The following CD163L1 variants were observed in gnomAD, a reference collection of about 807,000 sequenced individuals.
CD163L1 encodes the protein scavenger receptor cysteine-rich type 1 protein M160.
CD163L1 carries 124 observed loss-of-function variants against 165.4 expected under a neutral mutation model. The observed-to-expected ratio is 0.75, with a 90% CI of 0.65 to 0.87. The LOEUF (loss-of-function observed/expected upper bound fraction) is 0.87, where lower values mean the gene tolerates loss of function less well. Among genes scored for constraint, CD163L1 ranks in the 40% least tolerant of loss-of-function variants. CD163L1 has a pLI of 0.00. For missense variants in CD163L1, 1,525 were observed against 1,799.9 expected (o/e 0.85, Z 2.76); for synonymous variants, 585 against 662.2 (o/e 0.88, Z 1.79).
intron 2 of CD163L1, among the ~76,000 whole-genome samples, chr12:7,440,655 C>G (rs1948819508): frequency 7.5e-6 from 1 of 134,134 alleles, no homozygotes; most frequent in South Asian, 2.3e-4. Flanking sequence ...GAGATGGAGT[C>G]TTGCTCTGTC....
chr12:7,436,939 A>G lies in CD163L1; in HGVS notation c.125-3245T>C, dbSNP rs186077579. On this transcript the variant is annotated intron_variant, in intron 2 of 19. Coordinates refer to ENST00000313599, the MANE Select transcript of CD163L1 (RefSeq NM_174941.6). Reference sequence around the variant, plus strand: ...AATGACAGAAAACTACACAGCCAATAAAACAAGGTATCATAAGTGATATGT... The same window carrying G: ...AATGACAGAAAACTACACAGCCAATGAAACAAGGTATCATAAGTGATATGT... 1.7e-3 allele frequency among the ~76,000 whole-genome samples: 254 copies of G among 151,536 alleles called. 2 individuals carry two copies. The highest frequency in any genetic ancestry group is 5.9e-3 in the African/African-American group (246 of 41,452).
At chr12:7,416,371 T>A (rs909939767) in intron 4 of CD163L1, among the ~76,000 whole-genome samples, 8 of 152,232 alleles carry the variant, frequency 5.3e-5, no homozygotes, top group African/African-American at 1.9e-4. Context: ...GTAGGTTGAC[T>A]ATTCACTCTG....
chr12:7,432,709 A>AC lies in CD163L1; in HGVS notation c.472dup (p.Val158GlyfsTer24), dbSNP rs1273546946. Reference sequence around the variant, plus strand: ...CCCTGAACAGGAGTTGTTTCCATCCACTAGCCTCAAACCCAGATTGGCTTC... The same window carrying AC: ...CCCTGAACAGGAGTTGTTTCCATCCACCTAGCCTCAAACCCAGATTGGCTTC... On this transcript the variant is annotated frameshift_variant, in exon 4 of 20. Coordinates refer to ENST00000313599, the MANE Select transcript of CD163L1 (RefSeq NM_174941.6). LOFTEE classifies it high-confidence loss of function. This position sits in a 1 kb window ranked among gnomAD's most constrained non-coding sequence, Gnocchi z 4.2. 1.2e-6 allele frequency: 2 copies of AC among 1,610,566 alleles called. No individual in the cohort carries two copies. Among genetic ancestry groups the AC allele is most frequent in the African/African-American group, 1.3e-5 (1 of 74,844 alleles).
Position 7,433,449 on chromosome 12 carries a change from G to A in CD163L1, c.370C>T (p.Leu124Phe). 6.2e-7 allele frequency: 1 copy of A among 1,613,770 alleles called. No homozygotes were observed. The highest frequency in any genetic ancestry group is 2.2e-5 in the East Asian group (1 of 44,884). Reference protein sequence around the residue: ...DVSCYGNESALWECQHREWGS... With the variant: ...DVSCYGNESAFWECQHREWGS... ...CATTCCCGGTGTTGACATTCCCAGAGAGCTGACTCATTTCCATAACAGGAA... is the reference window on the plus strand; with the variant it reads ...CATTCCCGGTGTTGACATTCCCAGAAAGCTGACTCATTTCCATAACAGGAA... The change falls in exon 3 of 20, where the codon CTC (leucine) becomes TTC (phenylalanine). Residue 124 changes from leucine to phenylalanine, a missense_variant. Leu to Phe is a conservative substitution (Grantham distance 22, BLOSUM62 0). Coordinates refer to ENST00000313599, the MANE Select transcript of CD163L1 (RefSeq NM_174941.6).
chr12:7,368,176 GATAAA>G lies in CD163L1; in HGVS notation c.4089_4093del (p.Leu1364GlnfsTer45). ...CAGGAGAAGGAGCCCAAAGATACTG[GATAAA>G]ATAAGTGCTAAATGACCTGTATAGA... On this transcript the variant is annotated frameshift_variant, in exon 17 of 20. Coordinates refer to ENST00000313599, the MANE Select transcript of CD163L1 (RefSeq NM_174941.6). LOFTEE classifies it high-confidence loss of function. This position sits in a 1 kb window ranked among gnomAD's most constrained non-coding sequence, Gnocchi z 4.3. 6.3e-7 allele frequency: 1 copy of G among 1,599,268 alleles called. No individual in the cohort carries two copies. Among genetic ancestry groups the G allele is most frequent in the Non-Finnish European group, 8.6e-7 (1 of 1,166,914 alleles).
chr12:7,338,337 GA>G, the CD163L1 span, among the ~76,000 whole-genome samples: 3 of 151,990 alleles, frequency 2.0e-5, no homozygotes, highest in Non-Finnish European at 4.4e-5. Flanking sequence ...TAAATAAAAA[GA>G]AAAATAAATT....
intron 14 of CD163L1, among the ~76,000 whole-genome samples, chr12:7,371,994 G>T (rs922566163): frequency 1.1e-4 from 16 of 151,610 alleles, no homozygotes; most frequent in East Asian, 1.9e-4. Context: ...TGATTTCTGG[G>T]TTTTTTTCAA....
At chr12:7,405,328 C>T (rs1232871040) in intron 5 of CD163L1, among the ~76,000 whole-genome samples, 2 of 152,002 alleles carry the variant, frequency 1.3e-5, no homozygotes, top group African/African-American at 2.4e-5. Flanking sequence ...TCCCTCTTTT[C>T]TCTCCTAACT....
At chr12:7,411,549 C>T (rs753134195) in intron 4 of CD163L1, among the ~76,000 whole-genome samples, 1 of 152,296 alleles carries the variant, frequency 6.6e-6, no homozygotes, top group Admixed American at 6.5e-5. Flanking sequence ...CACCACCTTG[C>T]TCCCTTCTCT....
At chr12:7,414,965 T>C (rs1948208597) in intron 4 of CD163L1, among the ~76,000 whole-genome samples, 1 of 152,056 alleles carries the variant, frequency 6.6e-6, no homozygotes, top group Non-Finnish European at 1.5e-5. Context: ...ATAACGAAAT[T>C]TCAATTGAAA....
chr12:7,350,365 T>A (rs1946698934), downstream of CD163L1, among the ~76,000 whole-genome samples: 1 of 152,192 alleles, frequency 6.6e-6, no homozygotes, highest in African/African-American at 2.4e-5. Flanking sequence ...TTAGAGAGCA[T>A]CTTTAGTGTG....
intron 1 of CD163L1, among the ~76,000 whole-genome samples, chr12:7,441,843 G>A (rs1240404027): frequency 6.6e-6 from 1 of 152,124 alleles, no homozygotes; most frequent in Non-Finnish European, 1.5e-5. Flanking sequence ...CTTTTCTTCA[G>A]GGTCACTATT....
the CD163L1 span, among the ~76,000 whole-genome samples, chr12:7,334,982 A>T: frequency 1.3e-5 from 2 of 152,208 alleles, no homozygotes; most frequent in African/African-American, 4.8e-5. Context: ...CTGCTCAATG[A>T]AATAAAAGAG....
chr12:7,421,084 TAC>T (rs1214738235), intron 4 of CD163L1, among the ~76,000 whole-genome samples: 1 of 117,768 alleles, frequency 8.5e-6, no homozygotes, highest in Non-Finnish European at 1.6e-5. Context: ...CGTATATATA[TAC>T]GTATATATAT....
At chr12:7,415,876 C>T (rs1948228840) in intron 4 of CD163L1, among the ~76,000 whole-genome samples, 3 of 152,154 alleles carry the variant, frequency 2.0e-5, no homozygotes, top group Admixed American at 2.0e-4. Context: ...AACAGTGCCA[C>T]AATAAACATG....
intron 4 of CD163L1, among the ~76,000 whole-genome samples, chr12:7,429,191 A>C (rs1228183917): frequency 1.3e-5 from 2 of 152,084 alleles, no homozygotes; most frequent in Non-Finnish European, 2.9e-5. Context: ...CAATTAAAAC[A>C]TATTTTAGGT....
chr12:7,369,584 C>T lies in CD163L1; in HGVS notation c.3812G>A (p.Cys1271Tyr), dbSNP rs867143643. The T allele has an allele frequency of 6.2e-7, 1 of 1,614,174 alleles. No homozygotes were observed. The highest frequency in any genetic ancestry group is 1.3e-5 in the African/African-American group (1 of 75,048). Residue 1271 changes from cysteine to tyrosine, a missense_variant, in exon 15 of 20, where the codon TGT becomes TAT. Coordinates refer to ENST00000313599, the MANE Select transcript of CD163L1 (RefSeq NM_174941.6). This position sits in a 1 kb window ranked among gnomAD's most constrained non-coding sequence, Gnocchi z 4.9. ...IWHAGSWGTV[C>Y]DDSWDLAEAE... ...CTCGGCCAGGTCCCAGGAGTCATCA[C>T]ACACTGTGCCCCAGGAGCCTGCGTG...
downstream of CD163L1, among the ~76,000 whole-genome samples, chr12:7,345,037 G>A (rs942320511): frequency 6.6e-6 from 1 of 151,908 alleles, no homozygotes. Flanking sequence ...CTTTTTCACT[G>A]TCTTGGCTAT....
At chr12:7,365,858 C>T (rs972921271) in intron 18 of CD163L1, among the ~76,000 whole-genome samples, 1 of 151,978 alleles carries the variant, frequency 6.6e-6, no homozygotes, top group African/African-American at 2.4e-5. Flanking sequence ...ATGGATTTGC[C>T]TCAAAAAACT....
Sources: gnomAD v4.1 joint callset for allele counts (sites outside exome capture counted in the v4.1 genomes callset) on GRCh38, gnomAD v4.1.1 for gene constraint, Gnocchi (gnomAD v3.1) non-coding constraint, MANE v1.5 for transcripts, NCBI Gene and HGNC (gene_info 2026-07-23, HGNC 2026-07-21) for gene names.